TMPRSS5: variants seen among roughly 807,000 people sequenced by gnomAD.
TMPRSS5 encodes transmembrane serine protease 5.
In TMPRSS5, 45 loss-of-function variants were observed where a neutral mutation model predicts 59.7. The ratio of observed to expected loss-of-function variants is 0.75; its 90% CI spans 0.59 to 0.97. TMPRSS5 has a LOEUF of 0.97. Among genes scored for constraint, TMPRSS5 ranks in the 50% least tolerant of loss-of-function variants. The pLI is 0.00. For synonymous variants in TMPRSS5, 225 were observed against 232.0 expected, an observed-to-expected ratio of 0.97 and a Z score of 0.27; for missense variants, 585 against 596.7, an observed-to-expected ratio of 0.98 and a Z score of 0.20.
At chr11:113,692,265 G>A (rs959484994) in intron 9 of TMPRSS5, among the ~76,000 whole-genome samples, 2 of 152,214 alleles carry the variant, frequency 1.3e-5, no homozygotes, top group Non-Finnish European at 2.9e-5. Flanking sequence ...TGTTATTTGG[G>A]AAACTTAAGG....
chr11:113,694,289 A>G (rs1591378069), intron 8 of TMPRSS5, 189 bp downstream of exon 8: 1 of 438,448 alleles, frequency 2.3e-6, no homozygotes, highest in Non-Finnish European at 4.0e-6. Context: ...ACAAATCTTC[A>G]TATTATTACT....
Position 113,693,392 on chromosome 11 carries a change from T to C in TMPRSS5, c.786-143A>G. 4.6e-6 allele frequency: 4 copies of C among 867,700 alleles called. No individual in the cohort carries two copies. The South Asian group carries it at 5.5e-5, about 12-fold the overall frequency. 53.8% of individuals were successfully genotyped at this position (867,700 alleles called of 1,614,324 possible). A position where few individuals can be genotyped will look rare whatever the true frequency, so the allele number is the denominator to read the frequency against. On this transcript the variant is annotated intron_variant, in intron 8 of 12. Coordinates refer to ENST00000299882, the MANE Select transcript of TMPRSS5 (RefSeq NM_030770.4). ...CGGTGAGCTCCCAGGCCCCACAGACTATGCCTCTTAGTATCACCCCAGCAG... is the reference window on the plus strand; with the variant it reads ...CGGTGAGCTCCCAGGCCCCACAGACCATGCCTCTTAGTATCACCCCAGCAG...
chr11:113,699,102 C>T, intron 3 of TMPRSS5, 75 bp from the exon 4 acceptor site: 2 of 1,534,404 alleles, frequency 1.3e-6, no homozygotes, highest in East Asian at 2.3e-5. Context: ...TCATCAGCCA[C>T]CTTGCTCTCA....
rs1952657461 is a variant in TMPRSS5, at chr11:113,688,152, T to C, written c.*108A>G. ...CTCACACACAGTAGTAGGAGGTCCA[T>C]GCGTTCTGTGTCGGAGGCTACTGCC... On this transcript the variant is annotated 3_prime_UTR_variant, in exon 13 of 13. Transcript: ENST00000299882. The C allele has an allele frequency of 6.1e-6, 9 of 1,474,456 alleles. No homozygotes were observed. The highest frequency in any genetic ancestry group is 4.4e-5 in the South Asian group (3 of 68,232). 91.3% of individuals were successfully genotyped at this position (1,474,456 alleles called of 1,614,324 possible).
At chr11:113,701,533 C>T (rs1953133546) in intron 1 of TMPRSS5, among the ~76,000 whole-genome samples, 1 of 151,370 alleles carries the variant, frequency 6.6e-6, no homozygotes, top group Admixed American at 6.6e-5. Flanking sequence ...ATAATGCACA[C>T]TCAAAATATT....
chr11:113,690,176 G>GGCCCGCC, intron 11 of TMPRSS5, 55 bp downstream of exon 11: 2 of 388,230 alleles, frequency 5.2e-6, no homozygotes, highest in Non-Finnish European at 8.3e-6. Flanking sequence ...CAGGCCCCCT[G>GGCCCGCC]CCCTCCCACC....
In TMPRSS5 at chr11:113,690,882, C is replaced by G. The variant is rs568115704; in HGVS notation, c.1022G>C (p.Arg341Pro). ...GTGGCCCCAGCCAGACACCCAGCACCGCGAGCCCTTCGGAAAATGCTGTTC... is the reference window on the plus strand; with the variant it reads ...GTGGCCCCAGCCAGACACCCAGCACGGCGAGCCCTTCGGAAAATGCTGTTC... ...AKEQHFPKGS[R>P]CWVSGWGHTH... The change falls in exon 10 of 13, where the codon CGG becomes CCG. Residue 341 changes from arginine (R) to proline (P), a missense_variant. Transcript: ENST00000299882. The G allele has an allele frequency of 1.3e-6, 2 of 1,597,324 alleles. No individual in the cohort carries two copies. Among genetic ancestry groups the G allele is most frequent in the Non-Finnish European group, 1.7e-6 (2 of 1,172,714 alleles).
At chr11:113,691,059 TCCTG>T in intron 9 of TMPRSS5, 120 bp from the exon 10 acceptor site, 1 of 910,556 alleles carries the variant, frequency 1.1e-6, no homozygotes, top group Non-Finnish European at 1.7e-6. Context: ...CAGTCCTGGC[TCCTG>T]GGTTCCACCA....
At position 113,696,870 on chromosome 11, in the gene TMPRSS5, G is replaced by A. The variant is rs1231921869; in HGVS notation, c.566C>T (p.Ala189Val). 12 of 1,564,096 alleles carry A rather than the reference G, an allele frequency of 7.7e-6. No homozygotes were observed. Among genetic ancestry groups the A allele is most frequent in the African/African-American group, 5.4e-5 (4 of 73,674 alleles). The change falls in exon 6 of 13, where the codon GCG (alanine) becomes GTG (valine). Residue 189 changes from alanine (A) to valine (V), a missense_variant. Ala to Val is a moderately conservative substitution (Grantham distance 64). Coordinates refer to ENST00000299882, the MANE Select transcript of TMPRSS5 (RefSeq NM_030770.4). ...TCAGTAGTCCTACCTGGGCTGCCAC[G>A]CCTCCTCCAGGAAGCCTCCCAGTCT... ...SPRLGGFLEE[A>V]WQPRNNCTSG...
chr11:113,698,028 T>C (rs1231898427), intron 4 of TMPRSS5, among the ~76,000 whole-genome samples: 1 of 152,084 alleles, frequency 6.6e-6, no homozygotes, highest in Admixed American at 6.6e-5. Flanking sequence ...CCAGTGTCCT[T>C]ATAAGAAGAG....
chr11:113,694,693 T>C (rs1952880098), intron 7 of TMPRSS5, 53 bp from the exon 8 acceptor site: 18 of 1,485,656 alleles, frequency 1.2e-5, no homozygotes, highest in Non-Finnish European at 1.6e-5. Flanking sequence ...AGTGTCAGCA[T>C]GGTCCTAACT....
In TMPRSS5 at chr11:113,690,278, G is replaced by T. The variant is rs749110441; in HGVS notation, c.1159C>A (p.Arg387Ser). The T allele has an allele frequency of 2.5e-6, 4 of 1,570,122 alleles. No homozygotes were observed. Among genetic ancestry groups the T allele is most frequent in the South Asian group, 1.2e-5 (1 of 84,822 alleles). ...SCVYSGALTP[R>S]MLCAGYLDGR... The stretch of plus-strand genomic sequence containing the variant: ...TCCAGGTAGCCAGCGCAAAGCATGC[G>T]GGGGGTGAGGGCTCCGCTGTACACG... The change falls in exon 11 of 13, where the codon CGC becomes AGC. Residue 387 changes from arginine to serine, a missense_variant. Coordinates refer to ENST00000299882, the MANE Select transcript of TMPRSS5 (RefSeq NM_030770.4).
chr11:113,699,830 T>C (rs1466473843), intron 2 of TMPRSS5, 137 bp from the exon 3 acceptor site: 1 of 1,384,112 alleles, frequency 7.2e-7, no homozygotes, highest in Non-Finnish European at 9.9e-7. Context: ...CAGCCCAGAT[T>C]AGGGAGGGAG....
chr11:113,696,733 T>G, intron 6 of TMPRSS5, 125 bp downstream of exon 6: 1 of 648,938 alleles, frequency 1.5e-6, no homozygotes, highest in Non-Finnish European at 2.7e-6. Context: ...GAAATGTTCC[T>G]CTTTGTCCTC....
intron 3 of TMPRSS5, among the ~76,000 whole-genome samples, chr11:113,699,270 T>TCCCCCC (rs1385980969): frequency 1.8e-5 from 1 of 55,812 alleles, no homozygotes; most frequent in Non-Finnish European, 3.1e-5. Flanking sequence ...TCTCTCTCTC[T>TCCCCCC]CCCTCTCTCT....
chr11:113,699,423 G>A (rs901848412), intron 3 of TMPRSS5, among the ~76,000 whole-genome samples, 172 bp downstream of exon 3: 1 of 151,970 alleles, frequency 6.6e-6, no homozygotes, highest in Admixed American at 6.6e-5. Flanking sequence ...CATACACTTT[G>A]TTCTTCTTTA....
At chr11:113,698,846 T>C in intron 4 of TMPRSS5, 59 bp downstream of exon 4, 1 of 1,549,836 alleles carries the variant, frequency 6.5e-7, no homozygotes, top group Non-Finnish European at 8.7e-7. Flanking sequence ...TCTCTTGCCC[T>C]CAGCTGTGAC....
At chr11:113,697,144 G>C (rs1394347577) in intron 5 of TMPRSS5, 139 bp downstream of exon 5, 5 of 1,332,924 alleles carry the variant, frequency 3.8e-6, no homozygotes, top group Non-Finnish European at 5.2e-6. Flanking sequence ...ATTGTGCCCA[G>C]AGGCCAGAAG....
chr11:113,699,663 C>G lies in TMPRSS5; in HGVS notation c.137G>C (p.Arg46Pro). The G allele has an allele frequency of 6.3e-7, 1 of 1,582,908 alleles. No homozygotes were observed. ...ISQAVCWRSM[R>P]RGCAVLGALG... ...GGCTCCCAGCACTGCACAGCCACGT[C>G]GCATGGAACGCCAGCACACTGCCTG... Residue 46 changes from arginine (R) to proline (P), a missense_variant, in exon 3 of 13, where the codon CGA becomes CCA. Physicochemically the swap from Arg to Pro is moderately radical, Grantham distance 103. Transcript: ENST00000299882.
Sources: allele counts gnomAD v4.1 joint callset (sites outside exome capture counted in the v4.1 genomes callset), GRCh38; gene constraint gnomAD v4.1.1; transcripts MANE v1.5; gene names NCBI Gene and HGNC (gene_info 2026-07-23, HGNC 2026-07-21).